The following SEMA6D variants were observed in gnomAD, a reference collection of about 807,000 sequenced individuals.
SEMA6D encodes the protein semaphorin 6D, also known as semaphorin-6D.
A neutral mutation model predicts 106.6 loss-of-function variants in SEMA6D; 35 were observed. That is an observed-to-expected ratio of 0.33 (90% CI 0.25 to 0.44). SEMA6D has a LOEUF of 0.44. Among genes scored for constraint, SEMA6D ranks in the 20% least tolerant of loss-of-function variants. SEMA6D has a pLI of 1.00. For missense variants in SEMA6D, 1,185 were observed against 1,345.9 expected (o/e 0.88, Z 1.87); for synonymous variants, 499 against 487.7 (o/e 1.02, Z -0.31).
intron 4 of SEMA6D, among the ~76,000 whole-genome samples, chr15:47,667,922 A>G (rs555271198): frequency 6.6e-6 from 1 of 152,342 alleles, no homozygotes; most frequent in South Asian, 2.1e-4. Flanking sequence ...GCACTTGGGC[A>G]GGTGCCAAGA....
chr15:47,696,950 G>A (rs1271239503), intron 4 of SEMA6D, among the ~76,000 whole-genome samples: 1 of 152,106 alleles, frequency 6.6e-6, no homozygotes, highest in Admixed American at 6.5e-5. Flanking sequence ...CATCATTCTT[G>A]CGGTTGTTGT....
At chr15:47,428,937 G>GAGGGAGGGAGGAAAGAAGCA (rs1303488844) in intron 2 of SEMA6D, among the ~76,000 whole-genome samples, 2 of 151,418 alleles carry the variant, frequency 1.3e-5, no homozygotes, top group Admixed American at 6.6e-5. Context: ...AGGAGGAAGA[G>GAGGGAGGGAGGAAAGAAGCA]AGGGAGGGAG....
chr15:47,566,057 C>T (rs963920946), intron 3 of SEMA6D, among the ~76,000 whole-genome samples: 8 of 152,194 alleles, frequency 5.3e-5, no homozygotes, highest in Non-Finnish European at 7.3e-5. Flanking sequence ...TTTCCTAGCA[C>T]GTAACCTTGA....
At chr15:47,318,355 G>A (rs1432787405) in intron 1 of SEMA6D, among the ~76,000 whole-genome samples, 1 of 136,302 alleles carries the variant, frequency 7.3e-6, no homozygotes, top group East Asian at 2.2e-4. Flanking sequence ...CCATGCTGGT[G>A]TGCTGTACCC....
chr15:47,394,075 C>T (rs923763974), intron 1 of SEMA6D, among the ~76,000 whole-genome samples: 2 of 152,132 alleles, frequency 1.3e-5, no homozygotes, highest in African/African-American at 2.4e-5. Flanking sequence ...TGTCTTCATC[C>T]TCCTGGTTGC....
rs1033846290 is a variant in SEMA6D at position 47,427,604 on chromosome 15, A to G, written c.-159+15132A>G. 1.3e-5 allele frequency among the ~76,000 whole-genome samples: 2 copies of G among 152,182 alleles called. 1 individual carries two copies. The highest frequency in any genetic ancestry group is 4.1e-4 in the South Asian group (2 of 4,834). ...CTTGGGAAAGGTCACTGGGTGTGAC[A>G]TTACAAATATTTGCTAAATATGTGA... is the stretch of plus-strand genomic sequence containing the variant. On this transcript the variant is annotated intron_variant, in intron 2 of 19. Transcript: ENST00000558014.
At chr15:47,294,576 T>G (rs1319536591) in intron 1 of SEMA6D, among the ~76,000 whole-genome samples, 1 of 152,182 alleles carries the variant, frequency 6.6e-6, no homozygotes, top group Non-Finnish European at 1.5e-5. Flanking sequence ...CAAAAAGCGT[T>G]TCCGTGTTCT....
At chr15:47,392,728 T>C (rs2040080220) in intron 1 of SEMA6D, among the ~76,000 whole-genome samples, 1 of 152,156 alleles carries the variant, frequency 6.6e-6, no homozygotes, top group Non-Finnish European at 1.5e-5. Context: ...CCACTAACTT[T>C]GTGATAATTT....
intron 4 of SEMA6D, chr15:47,604,090 CTG>C (rs1194188050): frequency 1.3e-5 from 2 of 152,192 alleles, no homozygotes; most frequent in African/African-American, 4.8e-5. Flanking sequence ...CAGAGGCCTT[CTG>C]TGATGCTCTT....
chr15:47,357,255 A>G (rs1013484298), intron 1 of SEMA6D, among the ~76,000 whole-genome samples: 2 of 151,848 alleles, frequency 1.3e-5, no homozygotes, highest in African/African-American at 4.8e-5. Context: ...AATGGCATGA[A>G]CCTGGGGGGC....
chr15:47,314,882 T>C (rs2036595393), intron 1 of SEMA6D, among the ~76,000 whole-genome samples: 1 of 51,610 alleles, frequency 1.9e-5, no homozygotes, highest in Admixed American at 2.3e-4. Flanking sequence ...TTTTTTTTTT[T>C]TGAGACGGAG....
intron 1 of SEMA6D, among the ~76,000 whole-genome samples, chr15:47,214,600 T>C (rs1003651291): frequency 2.0e-5 from 3 of 152,190 alleles, no homozygotes; most frequent in East Asian, 1.9e-4. Context: ...CTTCCTTTAC[T>C]TTACTTATGG....
intron 4 of SEMA6D, among the ~76,000 whole-genome samples, chr15:47,700,745 C>A (rs984118452): frequency 1.8e-4 from 28 of 152,048 alleles, no homozygotes; most frequent in African/African-American, 5.5e-4. Context: ...GGCAACATAG[C>A]AAGTTCATAT....
intron 4 of SEMA6D, among the ~76,000 whole-genome samples, chr15:47,656,674 C>G (rs776357797): frequency 2.0e-5 from 3 of 152,144 alleles, no homozygotes; most frequent in Non-Finnish European, 4.4e-5. Flanking sequence ...GTTTTTAAAG[C>G]TAGCAACTTT....
chr15:47,666,000 T>A (rs763351965), intron 4 of SEMA6D, among the ~76,000 whole-genome samples: 1 of 152,222 alleles, frequency 6.6e-6, no homozygotes, highest in African/African-American at 2.4e-5. Flanking sequence ...GTTAGACATG[T>A]GTCCCAATTC....
chr15:47,444,378 T>A (rs1208722376), intron 2 of SEMA6D, among the ~76,000 whole-genome samples: 3 of 152,134 alleles, frequency 2.0e-5, no homozygotes, highest in African/African-American at 7.2e-5. Context: ...AATAAAGTGC[T>A]AGGGAGTAAA....
At chr15:47,640,178 T>C (rs532645724) in intron 4 of SEMA6D, among the ~76,000 whole-genome samples, 1 of 152,280 alleles carries the variant, frequency 6.6e-6, no homozygotes, top group South Asian at 2.1e-4. Flanking sequence ...AAAGCACATA[T>C]AATTTTTTGA....
chr15:47,632,523 T>A (rs1004019439), intron 4 of SEMA6D, among the ~76,000 whole-genome samples: 6 of 148,996 alleles, frequency 4.0e-5, no homozygotes, highest in African/African-American at 1.5e-4. Flanking sequence ...AGAATTAATC[T>A]CTCTTTGTCT....
chr15:47,685,820 A>T (rs2078455605), intron 4 of SEMA6D, among the ~76,000 whole-genome samples: 1 of 152,192 alleles, frequency 6.6e-6, no homozygotes, highest in South Asian at 2.1e-4. Context: ...TGACCCCAGA[A>T]ACTTGTGCCA....
Sources: gnomAD v4.1 joint callset for allele counts (sites outside exome capture counted in the v4.1 genomes callset) on GRCh38, gnomAD v4.1.1 for gene constraint, MANE v1.5 for transcripts, NCBI Gene and HGNC (gene_info 2026-07-23, HGNC 2026-07-21) for gene names.